Variants in ZNF578 observed in about 807,000 individuals in gnomAD.
ZNF578 encodes zinc finger protein 578.
A neutral mutation model predicts 8.3 loss-of-function variants in ZNF578; 8 were observed. That is an observed-to-expected ratio of 0.96 (90% confidence interval 0.56 to 1.74). The LOEUF (loss-of-function observed/expected upper bound fraction) is 1.74. Among genes scored for constraint, ZNF578 ranks in the 40% most tolerant of loss-of-function variants. The probability of loss-of-function intolerance (pLI) is 0.00; values close to 1 mark genes in which losing one functional copy is unlikely to be tolerated. For missense variants in ZNF578, 726 were observed against 707.5 expected (o/e 1.03, Z -0.30); for synonymous variants, 206 against 232.2 (o/e 0.89, Z 1.03).
At position 52,511,561 on chromosome 19, in the gene ZNF578, A is replaced by C; in HGVS notation, c.1180A>C (p.Thr394Pro). The C allele has an allele frequency of 6.2e-7, 1 of 1,613,000 alleles. No individual in the cohort carries two copies. The highest frequency in any genetic ancestry group is 1.3e-5 in the African/African-American group (1 of 75,052). The change falls in exon 6 of 6, where the codon ACT becomes CCT. Residue 394 changes from threonine (T) to proline (P), a missense_variant. By Grantham distance (38) the Thr-to-Pro change is conservative. Transcript: ENST00000421239. ...STLVIHKAIHTGEKPYKCNEC... is the reference protein window; with the variant it reads ...STLVIHKAIHPGEKPYKCNEC... Reference sequence around the variant, plus strand: ...CCTTGTAATTCATAAGGCAATTCATACTGGAGAGAAACCTTACAAGTGTAA... The same window carrying C: ...CCTTGTAATTCATAAGGCAATTCATCCTGGAGAGAAACCTTACAAGTGTAA...
chr19:52,490,894 T>C (rs958434985), intron 2 of ZNF578, among the ~76,000 whole-genome samples: 2 of 152,250 alleles, frequency 1.3e-5, no homozygotes, highest in African/African-American at 2.4e-5. Flanking sequence ...CATAAGCTTC[T>C]TGTGGATTAT....
intron 2 of ZNF578, among the ~76,000 whole-genome samples, chr19:52,465,308 G>A (rs2059271219): frequency 6.6e-6 from 1 of 152,136 alleles, no homozygotes; most frequent in African/African-American, 2.4e-5. Flanking sequence ...AGGAGGTGGT[G>A]GCCATTCTGG....
At chr19:52,497,012 C>T (rs1325671236) in intron 3 of ZNF578, among the ~76,000 whole-genome samples, 1 of 151,722 alleles carries the variant, frequency 6.6e-6, no homozygotes, top group Non-Finnish European at 1.5e-5. Flanking sequence ...ATCTCAGTGC[C>T]GTAGCAACCT....
intron 2 of ZNF578, chr19:52,457,272 A>G (rs920313870): frequency 1.3e-5 from 2 of 152,112 alleles, no homozygotes; most frequent in African/African-American, 2.4e-5. Context: ...TAAAAACCCA[A>G]AAGGGCAAAG....
chr19:52,458,381 T>TATCC (rs1413629101), intron 2 of ZNF578: 1 of 150,062 alleles, frequency 6.7e-6, no homozygotes. Context: ...GTTCCCCTGT[T>TATCC]ATCCCCAGCT....
chr19:52,501,721 G>C (rs1430697290), intron 3 of ZNF578, 106 bp from the exon 4 acceptor site: 151 of 1,084,990 alleles, frequency 1.4e-4, no homozygotes, highest in Admixed American at 3.3e-4. Flanking sequence ...TGGGCAGTGG[G>C]GGGGGCTTCT....
Position 52,493,317 on chromosome 19 carries a change from C to T in ZNF578, c.-20+1892C>T, listed in dbSNP as rs146293584. Among the ~76,000 whole-genome samples the T allele has an allele frequency of 3.4e-3, 517 of 152,220 alleles. 4 individuals are homozygous for T. Among genetic ancestry groups the T allele is most frequent in the African/African-American group, 0.012 (495 of 41,546 alleles). ...AGGCGCCGTCGCCCCCTACGTCCCT[C>T]CTCGTGCCGGGCCCTGCTGCTCCCG... On this transcript the variant is annotated intron_variant, in intron 3 of 5. Transcript: ENST00000421239.
At chr19:52,486,715 A>G (rs1172643196) in intron 2 of ZNF578, among the ~76,000 whole-genome samples, 4 of 151,756 alleles carry the variant, frequency 2.6e-5, no homozygotes, top group Non-Finnish European at 5.9e-5. Flanking sequence ...CAGGGTCGGG[A>G]CACGGGAGTG....
chr19:52,464,705 G>T (rs74940614), intron 2 of ZNF578, among the ~76,000 whole-genome samples: 1 of 152,104 alleles, frequency 6.6e-6, no homozygotes, highest in Non-Finnish European at 1.5e-5. Flanking sequence ...TAACAATCTG[G>T]AAATTGATCT....
intron 2 of ZNF578, chr19:52,474,266 T>C (rs531923056): frequency 1.7e-4 from 52 of 304,666 alleles, no homozygotes; most frequent in Non-Finnish European, 3.2e-4. Flanking sequence ...AATTCTTCGA[T>C]GTCATACAAG....
At chr19:52,486,380 G>GC (rs2059345842) in intron 2 of ZNF578, among the ~76,000 whole-genome samples, 1 of 152,164 alleles carries the variant, frequency 6.6e-6, no homozygotes, top group Non-Finnish European at 1.5e-5. Context: ...CGTATGCTGA[G>GC]CGCCGGTCCC....
intron 2 of ZNF578, among the ~76,000 whole-genome samples, chr19:52,487,680 GAGT>G (rs2059350219): frequency 2.0e-5 from 3 of 152,096 alleles, no homozygotes; most frequent in African/African-American, 7.2e-5. Flanking sequence ...ACCCAGGCTG[GAGT>G]GCAGTGCGTG....
intron 3 of ZNF578, among the ~76,000 whole-genome samples, chr19:52,499,645 C>T (rs554106150): frequency 4.0e-5 from 6 of 149,798 alleles, no homozygotes; most frequent in Admixed American, 1.3e-4. Flanking sequence ...GAGAAACGTA[C>T]ATGTATATGT....
At chr19:52,506,354 T>C (rs1305645204) in intron 5 of ZNF578, among the ~76,000 whole-genome samples, 3 of 151,966 alleles carry the variant, frequency 2.0e-5, no homozygotes, top group Admixed American at 2.0e-4. Context: ...CCCATGCCTG[T>C]AATCCCAGCA....
At chr19:52,487,315 C>T (rs10404530) in intron 2 of ZNF578, among the ~76,000 whole-genome samples, 18,378 of 152,062 alleles carry the variant, frequency 0.12, 1,249 homozygotes, top group African/African-American at 0.19. Flanking sequence ...GTCAACAGGG[C>T]GAGAGACTTT....
At chr19:52,464,883 A>G (rs969280066) in intron 2 of ZNF578, among the ~76,000 whole-genome samples, 1 of 152,216 alleles carries the variant, frequency 6.6e-6, no homozygotes, top group African/African-American at 2.4e-5. Context: ...AAGGAATTGT[A>G]AAAAAGCAGT....
intron 5 of ZNF578, among the ~76,000 whole-genome samples, chr19:52,508,283 G>A (rs763654812): frequency 6.6e-6 from 1 of 150,592 alleles, no homozygotes; most frequent in Non-Finnish European, 1.5e-5. Flanking sequence ...AGGCAAAGTT[G>A]CAGTGAGCCG....
At chr19:52,468,434 G>A (rs1215102971) in intron 2 of ZNF578, among the ~76,000 whole-genome samples, 1 of 152,192 alleles carries the variant, frequency 6.6e-6, no homozygotes, top group African/African-American at 2.4e-5. Flanking sequence ...CAAGAGGAAT[G>A]TAATAAGCTA....
intron 2 of ZNF578, among the ~76,000 whole-genome samples, chr19:52,460,947 GTC>G (rs1025419563): frequency 9.2e-5 from 14 of 152,016 alleles, no homozygotes; most frequent in Admixed American, 9.2e-4. Flanking sequence ...ATGGTGTCTG[GTC>G]TCTCTCCAGA....
Sources: gnomAD v4.1 joint callset for allele counts (sites outside exome capture counted in the v4.1 genomes callset) on GRCh38, gnomAD v4.1.1 for gene constraint, MANE v1.5 for transcripts, NCBI Gene and HGNC (gene_info 2026-07-23, HGNC 2026-07-21) for gene names.